RAB3B: variants seen among roughly 807,000 people sequenced by gnomAD.
RAB3B encodes RAB3B, member RAS oncogene family.
A neutral mutation model predicts 20.5 loss-of-function variants in RAB3B; 11 were observed. The ratio of observed to expected loss-of-function variants is 0.54; its 90% confidence interval spans 0.34 to 0.89. The LOEUF is 0.89. Among genes scored for constraint, RAB3B ranks in the 40% least tolerant of loss-of-function variants. The pLI, the probability that RAB3B is intolerant of heterozygous loss-of-function variation, is 0.02. For synonymous variants in RAB3B, 99 were observed against 106.3 expected, an observed-to-expected ratio of 0.93 and a Z score of 0.42; for missense variants, 225 against 280.9, an observed-to-expected ratio of 0.80 and a Z score of 1.42.
intron 2 of RAB3B, among the ~76,000 whole-genome samples, chr1:51,974,374 G>A (rs1684979878): frequency 6.6e-6 from 1 of 152,206 alleles, no homozygotes. Flanking sequence ...ACAGATGGTT[G>A]TCACTCACCC....
At chr1:51,936,033 C>A (rs539663913) in intron 3 of RAB3B, among the ~76,000 whole-genome samples, 1 of 152,282 alleles carries the variant, frequency 6.6e-6, no homozygotes, top group South Asian at 2.1e-4. Context: ...GAAGCCAACA[C>A]AATTATGACA....
chr1:51,982,280 G>T (rs1445468940), intron 1 of RAB3B, among the ~76,000 whole-genome samples: 1 of 152,170 alleles, frequency 6.6e-6, no homozygotes, highest in East Asian at 1.9e-4. Flanking sequence ...AGGTTCAGTG[G>T]CTCATACCTA....
chr1:51,940,565 G>A (rs909374223), intron 2 of RAB3B, among the ~76,000 whole-genome samples: 1 of 152,082 alleles, frequency 6.6e-6, no homozygotes, highest in African/African-American at 2.4e-5. Context: ...AGGGTCGCAG[G>A]GAGCTGAGAT....
chr1:51,984,394 T>C (rs534941441), intron 1 of RAB3B, among the ~76,000 whole-genome samples: 3 of 140,296 alleles, frequency 2.1e-5, no homozygotes, highest in Non-Finnish European at 3.1e-5. Flanking sequence ...ATTCTTTTTT[T>C]TTTTTTTTTT....
intron 2 of RAB3B, among the ~76,000 whole-genome samples, chr1:51,968,653 T>C (rs1030860617): frequency 3.3e-5 from 5 of 152,240 alleles, no homozygotes; most frequent in African/African-American, 1.2e-4. Flanking sequence ...GCTATTCTTA[T>C]ATTACTGGCC....
intron 2 of RAB3B, among the ~76,000 whole-genome samples, chr1:51,958,672 G>A (rs368873629): frequency 4.0e-5 from 6 of 151,466 alleles, no homozygotes; most frequent in African/African-American, 9.7e-5. Context: ...GCGGTGAGCC[G>A]AGATTGCGCC....
chr1:51,961,823 T>C (rs1684788065), intron 2 of RAB3B, among the ~76,000 whole-genome samples: 1 of 151,876 alleles, frequency 6.6e-6, no homozygotes, highest in African/African-American at 2.4e-5. Context: ...CAGGCTGGAG[T>C]GAAGTGGGGC....
intron 3 of RAB3B, among the ~76,000 whole-genome samples, chr1:51,935,864 G>A (rs923840352): frequency 1.3e-5 from 2 of 152,040 alleles, no homozygotes; most frequent in African/African-American, 2.4e-5. Context: ...TAAAAGGAAG[G>A]GACAGAAAGG....
chr1:51,965,095 T>G (rs1337521750), intron 2 of RAB3B, among the ~76,000 whole-genome samples: 1 of 151,694 alleles, frequency 6.6e-6, no homozygotes, highest in Admixed American at 6.6e-5. Context: ...GGCACACACT[T>G]GTAATCCCAG....
intron 4 of RAB3B, among the ~76,000 whole-genome samples, chr1:51,930,396 G>A (rs1484725872): frequency 2.0e-5 from 3 of 152,204 alleles, no homozygotes; most frequent in African/African-American, 7.2e-5. Flanking sequence ...ATATATATCA[G>A]CTATGATTAC....
At chr1:51,929,262 A>T (rs906342926) in intron 4 of RAB3B, among the ~76,000 whole-genome samples, 1 of 152,178 alleles carries the variant, frequency 6.6e-6, no homozygotes, top group Non-Finnish European at 1.5e-5. Flanking sequence ...AAAGCTGAGA[A>T]ATGGAGAGTG....
chr1:51,985,935 G>A (rs779260287), intron 1 of RAB3B, among the ~76,000 whole-genome samples: 18 of 151,980 alleles, frequency 1.2e-4, no homozygotes, highest in African/African-American at 2.2e-4. Flanking sequence ...GGTCATGAAT[G>A]GAACTTCTGT....
chr1:51,939,363 T>G (rs78429021), intron 2 of RAB3B, among the ~76,000 whole-genome samples: 1 of 152,208 alleles, frequency 6.6e-6, no homozygotes, highest in Non-Finnish European at 1.5e-5. Context: ...AAAGGGCAAG[T>G]GACTTTCCCA....
intron 2 of RAB3B, among the ~76,000 whole-genome samples, chr1:51,957,940 A>G (rs1235091777): frequency 6.6e-6 from 1 of 152,204 alleles, no homozygotes; most frequent in Non-Finnish European, 1.5e-5. Flanking sequence ...CTGAGAGGAC[A>G]TATTCTCTCC....
At chr1:51,929,489 T>C (rs989119305) in intron 4 of RAB3B, among the ~76,000 whole-genome samples, 12 of 152,118 alleles carry the variant, frequency 7.9e-5, no homozygotes, top group Non-Finnish European at 1.3e-4. Flanking sequence ...AATTTTTGTA[T>C]TTTTAGTAGA....
rs1684012704 is a variant in RAB3B, at chr1:51,912,403, G to C, written c.*7524C>G. Reference sequence around the variant, plus strand: ...TGTTACTGAGCCGTTCATTTATTTAGATTTTTAAGAGATTGCCATTGAGGC... The same window carrying C: ...TGTTACTGAGCCGTTCATTTATTTACATTTTTAAGAGATTGCCATTGAGGC... On this transcript the variant is annotated 3_prime_UTR_variant, in exon 5 of 5. Transcript: ENST00000371655. The C allele has an allele frequency of 6.7e-6, 1 of 149,978 alleles. No homozygotes were observed. The highest frequency in any genetic ancestry group is 1.5e-5 in the Non-Finnish European group (1 of 67,612). 9.3% of individuals were successfully genotyped at this position (149,978 alleles called of 1,614,324 possible).
At chr1:51,934,239 CT>C (rs746385535) in intron 3 of RAB3B, among the ~76,000 whole-genome samples, 11 of 152,142 alleles carry the variant, frequency 7.2e-5, no homozygotes, top group Admixed American at 2.0e-4. Context: ...TCTTCCATGG[CT>C]TGTGCTTTTG....
chr1:51,950,224 A>G (rs1684619750), intron 2 of RAB3B, among the ~76,000 whole-genome samples: 1 of 152,240 alleles, frequency 6.6e-6, no homozygotes, highest in African/African-American at 2.4e-5. Flanking sequence ...CAGAACCAGC[A>G]GCAGTCCAGG....
chr1:51,965,328 T>G (rs988818646), intron 2 of RAB3B, among the ~76,000 whole-genome samples: 3 of 152,178 alleles, frequency 2.0e-5, no homozygotes, highest in African/African-American at 7.2e-5. Context: ...GTAAATATAC[T>G]AAAAATCACT....
Sources: allele counts gnomAD v4.1 joint callset (sites outside exome capture counted in the v4.1 genomes callset), GRCh38; gene constraint gnomAD v4.1.1; transcripts MANE v1.5; gene names NCBI Gene and HGNC (gene_info 2026-07-23, HGNC 2026-07-21).